ARHGAP17: variants seen among roughly 807,000 people sequenced by gnomAD.
The protein encoded by ARHGAP17 is rho GTPase-activating protein 17.
In ARHGAP17, 57 loss-of-function variants were observed where a neutral mutation model predicts 99.5. That is an observed-to-expected ratio of 0.57 (90% CI 0.46 to 0.71). The LOEUF (loss-of-function observed/expected upper bound fraction) is 0.71. Ranked by LOEUF, ARHGAP17 falls within the 30% of genes least tolerant of loss-of-function variation. The pLI, the probability that ARHGAP17 is intolerant of heterozygous loss-of-function variation, is 0.00. For missense variants in ARHGAP17, 1,000 were observed against 1,122.4 expected (o/e 0.89, Z 1.56); for synonymous variants, 417 against 429.6 (o/e 0.97, Z 0.36).
At chr16:24,946,112 C>T (rs1397384260) in intron 14 of ARHGAP17, among the ~76,000 whole-genome samples, 1 of 152,104 alleles carries the variant, frequency 6.6e-6, no homozygotes, top group East Asian at 1.9e-4. Flanking sequence ...TCCAGCGGAT[C>T]CCCCGACCCC....
At chr16:24,993,743 A>G (rs1031463455) in intron 1 of ARHGAP17, among the ~76,000 whole-genome samples, 4 of 152,212 alleles carry the variant, frequency 2.6e-5, no homozygotes, top group African/African-American at 9.7e-5. Flanking sequence ...CTTCGAGGCC[A>G]TGGACCAAAG....
chr16:24,987,270 G>A (rs543422137), intron 1 of ARHGAP17, among the ~76,000 whole-genome samples: 4 of 152,152 alleles, frequency 2.6e-5, no homozygotes, highest in South Asian at 2.1e-4. Context: ...CCTAATTATC[G>A]TACGTCATGA....
At chr16:24,964,165 G>A (rs376513789) in intron 7 of ARHGAP17, 32 bp downstream of exon 7, 538 of 1,452,222 alleles carry the variant, frequency 3.7e-4, no homozygotes, top group Non-Finnish European at 4.7e-4. Context: ...TGCAAAAACC[G>A]AAAAGATACA....
At chr16:24,935,973 C>T (rs142585854) in intron 17 of ARHGAP17, 2 of 343,290 alleles carry the variant, frequency 5.8e-6, no homozygotes, top group East Asian at 7.9e-5. Flanking sequence ...TTATGAGATT[C>T]GTTGCATCAG....
At chr16:24,996,118 G>C (rs1478167970) in intron 1 of ARHGAP17, among the ~76,000 whole-genome samples, 5 of 152,046 alleles carry the variant, frequency 3.3e-5, no homozygotes, top group Non-Finnish European at 7.4e-5. Context: ...TTTTTTTGGG[G>C]GGGGAGGGAA....
At position 24,919,975 on chromosome 16, in the gene ARHGAP17, C is replaced by T; in HGVS notation, c.*155G>A. On this transcript the variant is annotated 3_prime_UTR_variant, in exon 20 of 20. Transcript: ENST00000289968. ...CTTTAGTGGTGGCCTCCAGGTTCTC[C>T]TTGGGCCGTGCAGAAGGCCAGGTCC... 4 of 1,119,730 alleles carry T rather than the reference C, an allele frequency of 3.6e-6. No homozygotes were observed. The highest frequency in any genetic ancestry group is 2.6e-5 in the East Asian group (1 of 38,648). 69.4% of individuals were successfully genotyped at this position (1,119,730 alleles called of 1,614,324 possible).
chr16:24,989,230 G>A (rs2052963644), intron 1 of ARHGAP17, among the ~76,000 whole-genome samples: 1 of 152,192 alleles, frequency 6.6e-6, no homozygotes, highest in South Asian at 2.1e-4. Context: ...AGCGTCTGAA[G>A]ACAGGTTGTG....
In ARHGAP17 at chr16:24,943,931, G is replaced by A. The variant is rs1344716345; in HGVS notation, c.1242-69C>T. The A allele has an allele frequency of 2.3e-6, 3 of 1,331,418 alleles. No homozygotes were observed. The South Asian group carries it at 3.7e-5, about 16-fold the overall frequency. The allele number at this position is 1,331,418 out of a possible 1,614,324, so 82.5% of individuals were successfully genotyped here. A position where few individuals can be genotyped will look rare whatever the true frequency, so the allele number is the denominator to read the frequency against. On this transcript the variant is annotated intron_variant, in intron 14 of 19. Transcript: ENST00000289968. Reference sequence around the variant, plus strand: ...CATCTAATTTCTTCTGGTTGTGTCAGGGCAATTCAATTATTTTTAAAGGAT... The same window carrying A: ...CATCTAATTTCTTCTGGTTGTGTCAAGGCAATTCAATTATTTTTAAAGGAT...
chr16:24,984,236 A>G (rs146151693), intron 1 of ARHGAP17, among the ~76,000 whole-genome samples: 9 of 152,300 alleles, frequency 5.9e-5, no homozygotes, highest in African/African-American at 1.9e-4. Context: ...CCCGCGATCA[A>G]TGCAGGCTGT....
rs916329937 is a variant in ARHGAP17 at position 24,997,611 on chromosome 16, C to T, written c.53+17598G>A. On this transcript the variant is annotated intron_variant, in intron 1 of 19. Transcript: ENST00000289968. ...AGATCCAAGTGAGATGGAGGACAGC[C>T]CACACTAAATAGTGGGTAGGTAGAG... Among the ~76,000 whole-genome samples the T allele has an allele frequency of 3.9e-5, 6 of 151,980 alleles. No individual in the cohort carries two copies. The South Asian group carries it at 8.3e-4, about 21-fold the overall frequency.
intron 3 of ARHGAP17, among the ~76,000 whole-genome samples, chr16:24,972,160 C>G (rs1249558069): frequency 6.6e-6 from 1 of 152,184 alleles, no homozygotes; most frequent in African/African-American, 2.4e-5. Context: ...CTGGCTTGTA[C>G]TGGACAGAAT....
rs1427639993 is a variant in ARHGAP17 at position 24,952,271 on chromosome 16, T to C, written c.1046+18A>G. On this transcript the variant is annotated intron_variant, in intron 12 of 19. Transcript: ENST00000289968. The stretch of plus-strand genomic sequence containing the variant: ...TCATTCCCTTTAACATTTACAACTC[T>C]GTGTTCTTTAAACTTACCTTGCAAC... 1.3e-6 allele frequency: 2 copies of C among 1,589,192 alleles called. No individual in the cohort carries two copies. Among genetic ancestry groups the C allele is most frequent in the Non-Finnish European group, 1.7e-6 (2 of 1,159,780 alleles).
chr16:24,933,747 G>A (rs1435091001), intron 18 of ARHGAP17, among the ~76,000 whole-genome samples: 1 of 152,232 alleles, frequency 6.6e-6, no homozygotes, highest in Non-Finnish European at 1.5e-5. Context: ...CAAAGTGTCA[G>A]GGGGAGGGGG....
intron 19 of ARHGAP17, among the ~76,000 whole-genome samples, chr16:24,926,002 C>T (rs1489422589): frequency 1.3e-5 from 2 of 150,650 alleles, no homozygotes; most frequent in Non-Finnish European, 3.0e-5. Context: ...CCCAGCTACT[C>T]GGGAGGCTGA....
chr16:24,997,384 A>G (rs2053226348), intron 1 of ARHGAP17, among the ~76,000 whole-genome samples: 1 of 152,258 alleles, frequency 6.6e-6, no homozygotes, highest in South Asian at 2.1e-4. Flanking sequence ...GGCACCCAGT[A>G]CACACCCAGA....
chr16:24,963,629 C>T (rs896356750), intron 7 of ARHGAP17, among the ~76,000 whole-genome samples: 2 of 152,118 alleles, frequency 1.3e-5, no homozygotes, highest in Non-Finnish European at 2.9e-5. Flanking sequence ...CAGGTGGATG[C>T]AGAGAGAATG....
rs1396894713 is a variant in ARHGAP17 at position 24,997,937 on chromosome 16, GC to G, written c.53+17271del. On this transcript the variant is annotated intron_variant, in intron 1 of 19. Transcript: ENST00000289968. ...AAGACATCTGGTCCAGAAACGAAGA[GC>G]CTGCTGTGAGGACCAGCAGCAAACA... Among the ~76,000 whole-genome samples, 9 of 152,270 alleles carry G rather than the reference GC, an allele frequency of 5.9e-5. No individual in the cohort carries two copies. In the East Asian group the frequency reaches 1.5e-3, roughly 26 times the overall value.
rs147400967 is a variant in ARHGAP17 at position 24,949,451 on chromosome 16, C to T, written c.1080G>A (p.Leu360=). 844 of 1,613,734 alleles carry T rather than the reference C, an allele frequency of 5.2e-4. 1 individual carries two copies. Among genetic ancestry groups the T allele is most frequent in the Non-Finnish European group, 6.8e-4 (798 of 1,179,962 alleles). The change falls in exon 13 of 20, where the codon TTG becomes TTA. Residue 360 remains leucine (L), a synonymous_variant. Coordinates refer to ENST00000289968, the MANE Select transcript of ARHGAP17 (RefSeq NM_001006634.3). ...GTGGCAACTTCTGACATGTTCTCCACAAGTCTTGAAGTTTTTTGTCTTGAT... is the reference window on the plus strand; with the variant it reads ...GTGGCAACTTCTGACATGTTCTCCATAAGTCTTGAAGTTTTTTGTCTTGAT... ...VQDQDKKLQD[L]WRTCQKLPPQ...
At chr16:24,932,020 G>A (rs902150283) in intron 18 of ARHGAP17, among the ~76,000 whole-genome samples, 2 of 152,138 alleles carry the variant, frequency 1.3e-5, no homozygotes, top group African/African-American at 4.8e-5. Flanking sequence ...ATGAGGCTGA[G>A]GTGGGAGGAT....
Sources: gnomAD v4.1 joint callset for allele counts (sites outside exome capture counted in the v4.1 genomes callset) on GRCh38, gnomAD v4.1.1 for gene constraint, MANE v1.5 for transcripts, NCBI Gene and HGNC (gene_info 2026-07-23, HGNC 2026-07-21) for gene names.